Variants in DENND1A observed in about 807,000 individuals in gnomAD.
DENND1A encodes DENN domain containing 1A.
A neutral mutation model predicts 113.7 loss-of-function variants in DENND1A; 51 were observed. The observed-to-expected ratio is 0.45, with a 90% CI of 0.36 to 0.57. DENND1A has a LOEUF of 0.57. Ranked by LOEUF, DENND1A falls within the 20% of genes least tolerant of loss-of-function variation. The pLI, the probability that DENND1A is intolerant of heterozygous loss-of-function variation, is 0.00. For missense variants in DENND1A, 1,258 were observed against 1,395.9 expected, an observed-to-expected ratio of 0.90 and a Z score of 1.57; for synonymous variants, 565 against 570.8, an observed-to-expected ratio of 0.99 and a Z score of 0.14.
intron 5 of DENND1A, among the ~76,000 whole-genome samples, chr9:123,724,847 CTGA>C (rs1406327246): frequency 6.6e-6 from 1 of 152,188 alleles, no homozygotes; most frequent in Admixed American, 6.5e-5. Context: ...GCTTTGATAG[CTGA>C]TAAAAAAATT....
intron 9 of DENND1A, among the ~76,000 whole-genome samples, chr9:123,633,513 G>A (rs1031455858): frequency 3.3e-5 from 5 of 152,284 alleles, no homozygotes; most frequent in Admixed American, 6.5e-5. Context: ...GGTGGCTCAC[G>A]CCTGTGATCC....
chr9:123,456,241 C>T (rs1450724645), intron 15 of DENND1A, among the ~76,000 whole-genome samples: 1 of 152,050 alleles, frequency 6.6e-6, no homozygotes, highest in Non-Finnish European at 1.5e-5. Context: ...AATAGACACA[C>T]ACCCAGCAAT....
chr9:123,928,926 G>C, intron 1 of DENND1A: 2 of 981,342 alleles, frequency 2.0e-6, no homozygotes, highest in Non-Finnish European at 2.4e-6. Flanking sequence ...GCTTTTTAAT[G>C]CCCTTAAACA....
intron 13 of DENND1A, among the ~76,000 whole-genome samples, chr9:123,474,454 T>A (rs558979846): frequency 1.6e-4 from 25 of 152,332 alleles, no homozygotes; most frequent in African/African-American, 5.8e-4. Flanking sequence ...TAAGCAAAAA[T>A]TTTTAAGCAA....
chr9:123,490,785 G>GT (rs1468857066), intron 13 of DENND1A, among the ~76,000 whole-genome samples: 2 of 152,080 alleles, frequency 1.3e-5, no homozygotes, highest in Non-Finnish European at 2.9e-5. Flanking sequence ...GAGTTACGTT[G>GT]TTTTTTTCAT....
At chr9:123,467,740 C>G (rs1470843233) in intron 13 of DENND1A, among the ~76,000 whole-genome samples, 2 of 152,170 alleles carry the variant, frequency 1.3e-5, no homozygotes, top group Non-Finnish European at 2.9e-5. Flanking sequence ...GAGCATTAAG[C>G]CAAGCCTGGG....
chr9:123,395,343 G>A (rs1202931600), intron 21 of DENND1A, among the ~76,000 whole-genome samples: 2 of 152,136 alleles, frequency 1.3e-5, no homozygotes, highest in Non-Finnish European at 2.9e-5. Context: ...AGATCCTTGG[G>A]GGGATCCTGG....
At chr9:123,459,615 A>G (rs575438446) in intron 13 of DENND1A, among the ~76,000 whole-genome samples, 57 of 152,320 alleles carry the variant, frequency 3.7e-4, no homozygotes, top group Non-Finnish European at 7.1e-4. Flanking sequence ...GCTTATCTAC[A>G]CAGACAAGTC....
intron 19 of DENND1A, among the ~76,000 whole-genome samples, chr9:123,420,172 C>T (rs1483764496): frequency 1.3e-5 from 2 of 152,154 alleles, no homozygotes; most frequent in South Asian, 2.1e-4. Context: ...CCTGTTTCTT[C>T]AGGGAAAGGA....
intron 13 of DENND1A, among the ~76,000 whole-genome samples, chr9:123,487,477 A>G (rs2050987897): frequency 6.6e-6 from 1 of 152,204 alleles, no homozygotes; most frequent in South Asian, 2.1e-4. Context: ...TTCTCCCTGA[A>G]CCATGAGCAA....
At chr9:123,437,433 G>A (rs141697251) in intron 19 of DENND1A, among the ~76,000 whole-genome samples, 58 of 152,292 alleles carry the variant, frequency 3.8e-4, no homozygotes, top group Middle Eastern at 6.8e-3. Context: ...CACAGGCACC[G>A]GCTTTGCCAG....
In DENND1A at chr9:123,403,506, G is replaced by C. The variant is rs377578710; in HGVS notation, c.1543-16C>G. The C allele has an allele frequency of 3.7e-6, 6 of 1,611,804 alleles. No individual in the cohort carries two copies. The African/African-American group carries it at 5.3e-5, about 14-fold the overall frequency. ...GTGGGCGCACCTAGAGGAGGTACAG[G>C]GGGAGAGCCCCAAGAAGGAGTGAGT... On this transcript the variant is annotated splice_polypyrimidine_tract_variant and intron_variant, in intron 20 of 23. Transcript: ENST00000394215.
chr9:123,494,249 G>C (rs2051655716), intron 13 of DENND1A, among the ~76,000 whole-genome samples: 1 of 152,164 alleles, frequency 6.6e-6, no homozygotes, highest in African/African-American at 2.4e-5. Flanking sequence ...CTGTCCAAAG[G>C]AACCTGGAGC....
rs771833188 is a variant in DENND1A, at chr9:123,652,098, G to C, written c.533C>G (p.Ala178Gly). ...ENRNLTEYFVAVDVNNMLHLY... is the reference protein window; with the variant it reads ...ENRNLTEYFVGVDVNNMLHLY... ...ATGCAACATGTTGTTAACATCCACA[G>C]CCACAAAATATTCTGTCAGATTTCT... Residue 178 changes from alanine (A) to glycine (G), a missense_variant, in exon 9 of 24, where the codon GCT becomes GGT. This residue lies in a region of DENND1A where 1,159 missense variants were observed against 1,231.7 expected (regional missense o/e 0.94). Transcript: ENST00000394215. 27 of 1,614,012 alleles carry C rather than the reference G, an allele frequency of 1.7e-5. No homozygotes were observed. Among genetic ancestry groups the C allele is most frequent in the Non-Finnish European group, 2.1e-5 (25 of 1,180,018 alleles).
intron 11 of DENND1A, among the ~76,000 whole-genome samples, chr9:123,586,261 A>G (rs1459097896): frequency 6.6e-6 from 1 of 152,026 alleles, no homozygotes; most frequent in African/African-American, 2.4e-5. Flanking sequence ...GGCCCCATGA[A>G]TGGGATGTTG....
chr9:123,685,980 A>G (rs2064784776), intron 5 of DENND1A, among the ~76,000 whole-genome samples: 1 of 150,376 alleles, frequency 6.6e-6, no homozygotes, highest in Non-Finnish European at 1.5e-5. Context: ...AGCCTAGGAA[A>G]TACACTGTCT....
chr9:123,511,409 C>T (rs1345530008), intron 13 of DENND1A, among the ~76,000 whole-genome samples: 1 of 152,260 alleles, frequency 6.6e-6, no homozygotes, highest in African/African-American at 2.4e-5. Context: ...CCACAGTGCA[C>T]AGTGCAGTTG....
intron 13 of DENND1A, among the ~76,000 whole-genome samples, chr9:123,460,783 C>T (rs2048464458): frequency 6.6e-6 from 1 of 152,238 alleles, no homozygotes; most frequent in Non-Finnish European, 1.5e-5. Context: ...GGCTAGAGTG[C>T]TTTCTAAAAT....
chr9:123,458,731 G>A (rs1564527173), intron 13 of DENND1A, among the ~76,000 whole-genome samples: 1 of 152,210 alleles, frequency 6.6e-6, no homozygotes, highest in Non-Finnish European at 1.5e-5. Flanking sequence ...GGAGGCCAAG[G>A]CAGGTGGATC....
Sources: gnomAD v4.1 joint callset for allele counts (sites outside exome capture counted in the v4.1 genomes callset) on GRCh38, gnomAD v4.1.1 for gene constraint, gnomAD v4.1.1 regional missense constraint, MANE v1.5 for transcripts, NCBI Gene and HGNC (gene_info 2026-07-23, HGNC 2026-07-21) for gene names.